The following CADM2 variants were observed in gnomAD, a reference collection of about 807,000 sequenced individuals.
The protein encoded by CADM2 is immunoglobulin superfamily member 4D.
CADM2 carries 12 observed loss-of-function variants against 49.8 expected under a neutral mutation model. The observed-to-expected ratio is 0.24, with a 90% confidence interval of 0.15 to 0.39. CADM2 has a LOEUF of 0.39. Ranked by LOEUF, CADM2 falls within the 10% of genes least tolerant of loss-of-function variation. The pLI, the probability that CADM2 is intolerant of heterozygous loss-of-function variation, is 1.00. For synonymous variants in CADM2, 214 were observed against 175.4 expected, an observed-to-expected ratio of 1.22 and a Z score of -1.74; for missense variants, 378 against 492.3, an observed-to-expected ratio of 0.77 and a Z score of 2.20.
At chr3:85,830,707 T>C (rs1334455441) in intron 3 of CADM2, among the ~76,000 whole-genome samples, 1 of 151,832 alleles carries the variant, frequency 6.6e-6, no homozygotes, top group African/African-American at 2.4e-5. Flanking sequence ...GGTATAAGGG[T>C]CCAATTCTTT....
At chr3:85,659,909 G>GC (rs2065346960) in intron 1 of CADM2, among the ~76,000 whole-genome samples, 1 of 152,074 alleles carries the variant, frequency 6.6e-6, no homozygotes, top group Non-Finnish European at 1.5e-5. Context: ...GATGTATTTA[G>GC]CCAGCGCAAG....
At chr3:85,555,527 T>C (rs140796714) in intron 1 of CADM2, among the ~76,000 whole-genome samples, 302 of 152,240 alleles carry the variant, frequency 2.0e-3, no homozygotes, top group Non-Finnish European at 3.2e-3. Context: ...AAAGTAATTA[T>C]ATTGTGAGGT....
intron 8 of CADM2, among the ~76,000 whole-genome samples, chr3:85,972,970 A>C (rs1726326423): frequency 6.6e-6 from 1 of 151,664 alleles, no homozygotes; most frequent in Non-Finnish European, 1.5e-5. Context: ...AACACTGAAA[A>C]CCTGCGTTTA....
chr3:85,980,404 T>A (rs2108667026), intron 8 of CADM2, among the ~76,000 whole-genome samples: 1 of 151,618 alleles, frequency 6.6e-6, no homozygotes, highest in African/African-American at 2.4e-5. Context: ...TCAGAAAAAA[T>A]TCTAATGTCT....
At chr3:85,752,172 A>G (rs1436914975) in intron 2 of CADM2, among the ~76,000 whole-genome samples, 1 of 152,158 alleles carries the variant, frequency 6.6e-6, no homozygotes, top group African/African-American at 2.4e-5. Flanking sequence ...AAGATAAGAA[A>G]GAGAGAATAG....
chr3:84,986,313 T>A (rs2032548294), intron 1 of CADM2, among the ~76,000 whole-genome samples: 1 of 152,170 alleles, frequency 6.6e-6, no homozygotes, highest in Non-Finnish European at 1.5e-5. Context: ...CGATTGACAC[T>A]TTTGTGTACC....
chr3:85,744,924 T>A (rs898707487), intron 2 of CADM2, among the ~76,000 whole-genome samples: 1 of 152,170 alleles, frequency 6.6e-6, no homozygotes, highest in Non-Finnish European at 1.5e-5. Flanking sequence ...CTTATGAATT[T>A]AAATGGAAAT....
intron 8 of CADM2, among the ~76,000 whole-genome samples, chr3:86,011,861 T>G (rs1376382261): frequency 6.6e-6 from 1 of 152,140 alleles, no homozygotes; most frequent in African/African-American, 2.4e-5. Flanking sequence ...TATAAGTGAT[T>G]TAATTGTAAG....
intron 1 of CADM2, among the ~76,000 whole-genome samples, chr3:85,244,045 T>C (rs549073474): frequency 6.6e-6 from 1 of 152,190 alleles, no homozygotes; most frequent in South Asian, 2.1e-4. Context: ...AGAAGTGAAA[T>C]TTTAGAATAT....
intron 1 of CADM2, among the ~76,000 whole-genome samples, chr3:85,532,156 G>T (rs561384517): frequency 6.6e-6 from 1 of 151,646 alleles, no homozygotes; most frequent in African/African-American, 2.4e-5. Context: ...TAGCCTGGGC[G>T]ACAGAGCGAG....
chr3:84,969,891 T>G lies in CADM2; in HGVS notation c.61+10223T>G, dbSNP rs150062308. The stretch of plus-strand genomic sequence containing the variant: ...ACTTTCTAAAGATTTTATTTCTAGC[T>G]TCAAAAATATTCCTGATGATGACTT... On this transcript the variant is annotated intron_variant, in intron 1 of 9. Coordinates refer to ENST00000383699, the MANE Select transcript of CADM2 (RefSeq NM_001167675.2). Among the ~76,000 whole-genome samples the G allele has an allele frequency of 1.1e-3, 167 of 152,038 alleles. 3 individuals carry two copies. In the East Asian group the frequency reaches 0.03, roughly 27 times the overall value.
Position 86,068,171 on chromosome 3 carries a change from A to G in CADM2, c.*1388A>G, listed in dbSNP as rs1042979915. ...ACAAACTGATGAAACAGTGAGTGAT[A>G]GAGAATTTCTGCCATGCTTTTAACT... On this transcript the variant is annotated 3_prime_UTR_variant, in exon 10 of 10. Transcript: ENST00000383699. The G allele has an allele frequency of 5.9e-5, 9 of 152,444 alleles. No homozygotes were observed. The highest frequency in any genetic ancestry group is 2.6e-4 in the Admixed American group (4 of 15,260). 9.4% of individuals were successfully genotyped at this position (152,444 alleles called of 1,614,324 possible).
chr3:85,188,462 T>C (rs764279588), intron 1 of CADM2, among the ~76,000 whole-genome samples: 4 of 152,126 alleles, frequency 2.6e-5, no homozygotes, highest in Non-Finnish European at 5.9e-5. Flanking sequence ...ATTTCTGTAT[T>C]TGCTCAGTAT....
intron 1 of CADM2, among the ~76,000 whole-genome samples, chr3:85,591,118 T>A (rs2063095434): frequency 6.6e-6 from 1 of 151,992 alleles, no homozygotes; most frequent in South Asian, 2.1e-4. Flanking sequence ...CAATTTGTTG[T>A]GAGAACCTTG....
intron 1 of CADM2, among the ~76,000 whole-genome samples, chr3:85,486,680 T>C (rs1459782231): frequency 3.4e-5 from 5 of 148,676 alleles, no homozygotes; most frequent in Non-Finnish European, 4.5e-5. Flanking sequence ...CCTGTAGATA[T>C]AGATGTATAA....
At chr3:85,678,075 T>G (rs549246841) in intron 1 of CADM2, among the ~76,000 whole-genome samples, 1 of 152,314 alleles carries the variant, frequency 6.6e-6, no homozygotes, top group Non-Finnish European at 1.5e-5. Context: ...TAATACTATG[T>G]TAAGCAATGA....
Position 85,062,467 on chromosome 3 carries a change from A to G in CADM2, c.61+102799A>G, listed in dbSNP as rs189903781. ...TATTTTCATTCTAAATAAATCGGAA[A>G]TATTCCATTTAAGAGAACCTGGAAA... On this transcript the variant is annotated intron_variant, in intron 1 of 9. Coordinates refer to ENST00000383699, the MANE Select transcript of CADM2 (RefSeq NM_001167675.2). Among the ~76,000 whole-genome samples the G allele has an allele frequency of 5.6e-3, 850 of 152,116 alleles. 8 individuals are homozygous for G. Among genetic ancestry groups the G allele is most frequent in the Non-Finnish European group, 8.2e-3 (559 of 67,944 alleles).
At chr3:85,091,020 A>C (rs185420690) in intron 1 of CADM2, among the ~76,000 whole-genome samples, 3 of 152,322 alleles carry the variant, frequency 2.0e-5, no homozygotes, top group East Asian at 1.9e-4. Flanking sequence ...ACTAGCAGCC[A>C]GTTAACCTAG....
At chr3:85,776,438 A>G (rs1369215426) in intron 2 of CADM2, among the ~76,000 whole-genome samples, 1 of 151,782 alleles carries the variant, frequency 6.6e-6, no homozygotes, top group African/African-American at 2.4e-5. Flanking sequence ...TCAAATCACC[A>G]TTTTCATTTT....
Sources: gnomAD v4.1 joint callset for allele counts (sites outside exome capture counted in the v4.1 genomes callset) on GRCh38, gnomAD v4.1.1 for gene constraint, MANE v1.5 for transcripts, NCBI Gene and HGNC (gene_info 2026-07-23, HGNC 2026-07-21) for gene names.